Variants in GRM1 observed in about 807,000 individuals in gnomAD.
The protein encoded by GRM1 is metabotropic glutamate receptor 1.
In GRM1, 33 loss-of-function variants were observed where a neutral mutation model predicts 90.9. That is an observed-to-expected ratio of 0.36 (90% CI 0.28 to 0.49). GRM1 has a LOEUF of 0.49. Ranked by LOEUF, GRM1 falls within the 20% of genes least tolerant of loss-of-function variation. The probability of loss-of-function intolerance (pLI) is 0.99; values close to 1 mark genes in which losing one functional copy is unlikely to be tolerated. For synonymous variants in GRM1, 700 were observed against 613.2 expected, an observed-to-expected ratio of 1.14 and a Z score of -2.09; for missense variants, 1,190 against 1,534.3, an observed-to-expected ratio of 0.78 and a Z score of 3.75.
intron 3 of GRM1, among the ~76,000 whole-genome samples, chr6:146,323,812 C>T (rs957649675): frequency 1.1e-4 from 16 of 152,178 alleles, no homozygotes; most frequent in African/African-American, 3.4e-4. Context: ...CTACATATGG[C>T]TAGCCTGTTT....
intron 2 of GRM1, among the ~76,000 whole-genome samples, chr6:146,165,703 A>G (rs557488693): frequency 1.3e-5 from 2 of 152,236 alleles, no homozygotes; most frequent in East Asian, 1.9e-4. Context: ...GGAAAATTAC[A>G]CTGCTAGAAA....
chr6:146,415,544 C>G (rs1439828513), intron 7 of GRM1, among the ~76,000 whole-genome samples: 1 of 152,102 alleles, frequency 6.6e-6, no homozygotes, highest in African/African-American at 2.4e-5. Context: ...TGAACCCTCT[C>G]TATTCTGTTC....
intron 1 of GRM1, among the ~76,000 whole-genome samples, chr6:146,136,402 G>A (rs1313669252): frequency 6.6e-6 from 1 of 152,160 alleles, no homozygotes; most frequent in Non-Finnish European, 1.5e-5. Flanking sequence ...TACCAACAGT[G>A]TATGAGGGTT....
chr6:146,075,114 G>A (rs1224472246), intron 1 of GRM1, among the ~76,000 whole-genome samples: 2 of 152,082 alleles, frequency 1.3e-5, no homozygotes, highest in Non-Finnish European at 2.9e-5. Flanking sequence ...CTTCCTGATA[G>A]TGTTCCATCA....
intron 3 of GRM1, among the ~76,000 whole-genome samples, chr6:146,323,242 C>A (rs1217514741): frequency 4.6e-5 from 7 of 152,204 alleles, no homozygotes; most frequent in Non-Finnish European, 1.0e-4. Flanking sequence ...CACATCCTCT[C>A]CAGCACCTGT....
At chr6:146,378,807 G>A (rs902948916) in intron 5 of GRM1, among the ~76,000 whole-genome samples, 5 of 152,144 alleles carry the variant, frequency 3.3e-5, no homozygotes, top group Admixed American at 6.5e-5. Flanking sequence ...AGATTTGGGA[G>A]GGGCCAGGGA....
At chr6:146,407,858 C>A (rs554011962) in intron 7 of GRM1, among the ~76,000 whole-genome samples, 245 of 152,230 alleles carry the variant, frequency 1.6e-3, no homozygotes, top group African/African-American at 5.4e-3. Flanking sequence ...CCAAAAAATT[C>A]ATGGTATAAC....
chr6:146,287,141 A>G (rs73009060), intron 2 of GRM1, among the ~76,000 whole-genome samples: 19 of 152,186 alleles, frequency 1.2e-4, no homozygotes, highest in Non-Finnish European at 2.6e-4. Context: ...GCTATTGGCC[A>G]TTGGCCAAGA....
In GRM1 at chr6:146,434,681, C is replaced by T. The variant is rs1482432228; in HGVS notation, c.3470C>T (p.Ser1157Leu). 4 of 1,606,014 alleles carry T rather than the reference C, an allele frequency of 2.5e-6. No homozygotes were observed. The highest frequency in any genetic ancestry group is 3.4e-6 in the Non-Finnish European group (4 of 1,179,978). The change falls in exon 8 of 8, where the codon TCG becomes TTG. Residue 1157 changes from serine to leucine, a missense_variant. Transcript: ENST00000282753. ...TCGCCTTTCCGCGACTCGGTGGCCT[C>T]GGGCAGCTCGGTGCCCAGCTCCCCC... ...PPSPFRDSVA[S>L]GSSVPSSPVS...
At chr6:146,371,168 C>A (rs938319261) in intron 5 of GRM1, among the ~76,000 whole-genome samples, 1 of 151,988 alleles carries the variant, frequency 6.6e-6, no homozygotes, top group South Asian at 2.1e-4. Context: ...TTTTGAGGAA[C>A]TCATAGTGTA....
At chr6:146,062,597 A>G (rs1337228027) in intron 1 of GRM1, among the ~76,000 whole-genome samples, 2 of 151,936 alleles carry the variant, frequency 1.3e-5, no homozygotes, top group East Asian at 1.9e-4. Flanking sequence ...TTTTCCTTCA[A>G]TTTATCCAGT....
intron 1 of GRM1, among the ~76,000 whole-genome samples, chr6:146,043,875 T>C (rs1169527908): frequency 6.7e-6 from 1 of 149,490 alleles, no homozygotes; most frequent in East Asian, 2.0e-4. Context: ...ATGAAGCAGA[T>C]GGTAATGACA....
intron 2 of GRM1, among the ~76,000 whole-genome samples, chr6:146,236,231 CATT>C (rs769330603): frequency 3.4e-4 from 52 of 152,146 alleles, no homozygotes; most frequent in Non-Finnish European, 4.4e-5. Context: ...AAAATACTGT[CATT>C]ATGACATGCA....
chr6:146,333,341 C>T (rs1314854850), intron 3 of GRM1, among the ~76,000 whole-genome samples: 1 of 152,112 alleles, frequency 6.6e-6, no homozygotes, highest in Non-Finnish European at 1.5e-5. Context: ...AGCCTACATC[C>T]TCAGGTGTTG....
Position 146,399,140 on chromosome 6 carries a change from A to T in GRM1, c.2101A>T (p.Met701Leu), listed in dbSNP as rs1461905043. 6 of 1,613,964 alleles carry T rather than the reference A, an allele frequency of 3.7e-6. No homozygotes were observed. In the Admixed American group the frequency reaches 1.0e-4, roughly 27 times the overall value. ...KKICTRKPRF[M>L]SAWAQVIIAS... ...GATCTGCACCCGGAAGCCCAGGTTC[A>T]TGAGTGCCTGGGCTCAGGTGATCAT... Residue 701 changes from methionine (M) to leucine (L), a missense_variant, in exon 7 of 8, where the codon ATG becomes TTG. Physicochemically the swap from Met to Leu is conservative, Grantham distance 15. This residue lies in a region of GRM1 where 414 missense variants were observed against 598.4 expected (regional missense o/e 0.69). Coordinates refer to ENST00000282753, the MANE Select transcript of GRM1 (RefSeq NM_001278064.2). The surrounding 1 kb of genome is among the most constrained non-coding windows in gnomAD (Gnocchi z 5.4).
intron 3 of GRM1, among the ~76,000 whole-genome samples, chr6:146,325,277 G>A (rs1291253683): frequency 6.6e-6 from 1 of 152,156 alleles, no homozygotes; most frequent in African/African-American, 2.4e-5. Context: ...CCAATATAAT[G>A]AACTTCTTTC....
Position 146,029,076 on chromosome 6 carries a change from G to A in GRM1, c.-442G>A. 1 of 270,272 alleles carries A rather than the reference G, an allele frequency of 3.7e-6. No homozygotes were observed. The highest frequency in any genetic ancestry group is 7.2e-6 in the Non-Finnish European group (1 of 138,302). The allele number at this position is 270,272 out of a possible 1,614,324, so 16.7% of individuals were successfully genotyped here. On this transcript the variant is annotated 5_prime_UTR_variant, in exon 1 of 8. Transcript: ENST00000282753. ...AGCTGCGCTCCAAGCTGTTCCTGCA[G>A]CCGATATCAGGATGTGCCGAAATGA...
At chr6:146,427,367 G>A (rs893028815) in intron 7 of GRM1, among the ~76,000 whole-genome samples, 5 of 152,248 alleles carry the variant, frequency 3.3e-5, no homozygotes, top group African/African-American at 1.2e-4. Flanking sequence ...CGTTGTGCAC[G>A]GAGTCTGTGG....
Position 146,349,245 on chromosome 6 carries a change from TA to T in GRM1, c.1187-3004del, listed in dbSNP as rs1459155719. Among the ~76,000 whole-genome samples the T allele has an allele frequency of 4.0e-4, 27 of 67,222 alleles. No individual in the cohort carries two copies. In the East Asian group the frequency reaches 4.4e-3, roughly 11 times the overall value. 44.1% of individuals were successfully genotyped at this position (67,222 alleles called of 152,430 possible). The stretch of plus-strand genomic sequence containing the variant: ...CCATGCCCGGCTATTTTTTTTTTTT[TA>T]TTTTTTTTTTATTTTTAGTAGATAC... On this transcript the variant is annotated intron_variant, in intron 3 of 7. Coordinates refer to ENST00000282753, the MANE Select transcript of GRM1 (RefSeq NM_001278064.2).
Sources: allele counts gnomAD v4.1 joint callset (sites outside exome capture counted in the v4.1 genomes callset), GRCh38; gene constraint gnomAD v4.1.1; regional missense constraint gnomAD v4.1.1; non-coding constraint Gnocchi (gnomAD v3.1); transcripts MANE v1.5; gene names NCBI Gene and HGNC (gene_info 2026-07-23, HGNC 2026-07-21).